The following SMAP2 variants were observed in gnomAD, a reference collection of about 807,000 sequenced individuals.
SMAP2 encodes the protein stromal membrane-associated protein 2.
SMAP2 carries 25 observed loss-of-function variants against 56.4 expected under a neutral mutation model. The ratio of observed to expected loss-of-function variants is 0.44; its 90% CI spans 0.32 to 0.62. SMAP2 has a LOEUF of 0.62. Ranked by LOEUF, SMAP2 falls within the 20% of genes least tolerant of loss-of-function variation. The probability of loss-of-function intolerance (pLI) is 0.04; values close to 1 mark genes in which losing one functional copy is unlikely to be tolerated. For missense variants in SMAP2, 388 were observed against 545.6 expected (o/e 0.71, Z 2.88); for synonymous variants, 157 against 181.7 (o/e 0.86, Z 1.09).
intron 1 of SMAP2, among the ~76,000 whole-genome samples, chr1:40,383,750 A>G (rs1569854933): frequency 6.6e-6 from 1 of 152,182 alleles, no homozygotes; most frequent in Non-Finnish European, 1.5e-5. Flanking sequence ...ATAAGTTCCC[A>G]CCCTGTCAAT....
rs1052883051 is a variant in SMAP2, at chr1:40,380,819, G to A, written c.103+6596G>A. On this transcript the variant is annotated intron_variant, in intron 1 of 9. Transcript: ENST00000372718. ...GCTGGGATTATAGGTGTGAGCCGCC[G>A]CACCCAGCCTGTGGTACCTTTTAAA... Among the ~76,000 whole-genome samples, 15 of 152,234 alleles carry A rather than the reference G, an allele frequency of 9.9e-5. 1 individual carries two copies. Among genetic ancestry groups the A allele is most frequent in the East Asian group, 5.8e-4 (3 of 5,184 alleles).
chr1:40,346,378 T>A (rs1644385991), intron 1 of SMAP2, among the ~76,000 whole-genome samples: 3 of 152,090 alleles, frequency 2.0e-5, no homozygotes, highest in Admixed American at 2.0e-4. Context: ...GAATAGGATT[T>A]TTTTTTTTTG....
rs767144040 is a variant in SMAP2, at chr1:40,385,246, T to A, written c.103+11023T>A. On this transcript the variant is annotated intron_variant, in intron 1 of 9. Coordinates refer to ENST00000372718, the MANE Select transcript of SMAP2 (RefSeq NM_022733.3). The surrounding 1 kb of genome is among the most constrained non-coding windows in gnomAD (Gnocchi z 4.5). ...GTAGTAGAATTTTATTATTGTTGCTTTTTTTCATTTTCAATTAATGTTAAG... is the reference window on the plus strand; with the variant it reads ...GTAGTAGAATTTTATTATTGTTGCTATTTTTCATTTTCAATTAATGTTAAG... 3.3e-5 allele frequency among the ~76,000 whole-genome samples: 5 copies of A among 152,198 alleles called. No individual in the cohort carries two copies. The highest frequency in any genetic ancestry group is 7.3e-5 in the Non-Finnish European group (5 of 68,042).
At chr1:40,405,305 ATAGTGAGACC>A (rs1644875219) in intron 1 of SMAP2, among the ~76,000 whole-genome samples, 1 of 152,180 alleles carries the variant, frequency 6.6e-6, no homozygotes, top group Non-Finnish European at 1.5e-5. Flanking sequence ...CCTGGGCAAC[ATAGTGAGACC>A]TAGTCTCTAC....
At chr1:40,354,767 ATTT>A (rs774191085) in intron 1 of SMAP2, among the ~76,000 whole-genome samples, 29 of 67,326 alleles carry the variant, frequency 4.3e-4, no homozygotes, top group East Asian at 1.1e-3. Flanking sequence ...AAAACATTGA[ATTT>A]TTTTTTTTTT....
At chr1:40,345,498 T>C (rs918696972) in intron 1 of SMAP2, among the ~76,000 whole-genome samples, 2 of 152,088 alleles carry the variant, frequency 1.3e-5, no homozygotes, top group Admixed American at 6.6e-5. Flanking sequence ...ATTTTTCTTT[T>C]TTTTTGAGAT....
intron 1 of SMAP2, among the ~76,000 whole-genome samples, chr1:40,354,972 G>C (rs1328429754): frequency 4.7e-5 from 7 of 150,482 alleles, no homozygotes; most frequent in African/African-American, 1.7e-4. Flanking sequence ...TTAGTAGAGA[G>C]GGGGTTTCAC....
At chr1:40,387,454 G>T (rs963385895) in intron 1 of SMAP2, among the ~76,000 whole-genome samples, 1 of 152,150 alleles carries the variant, frequency 6.6e-6, no homozygotes, top group Non-Finnish European at 1.5e-5. Context: ...AATTTAAAAA[G>T]TTACCAAGGG....
chr1:40,412,870 C>T, intron 4 of SMAP2, 146 bp from the exon 5 acceptor site: 1 of 613,760 alleles, frequency 1.6e-6, no homozygotes, highest in East Asian at 2.9e-5. Context: ...TGCTCCACAC[C>T]AAGACACCGC....
At chr1:40,348,708 A>C (rs969323588) in intron 1 of SMAP2, among the ~76,000 whole-genome samples, 1 of 152,160 alleles carries the variant, frequency 6.6e-6, no homozygotes, top group Non-Finnish European at 1.5e-5. Flanking sequence ...AACTTATGAA[A>C]AAATTTGCTC....
chr1:40,348,268 T>C (rs1404417980), intron 1 of SMAP2, among the ~76,000 whole-genome samples: 4 of 152,216 alleles, frequency 2.6e-5, no homozygotes, highest in Admixed American at 1.3e-4. Flanking sequence ...GCGTTTGATA[T>C]GTATTTCTGA....
chr1:40,418,895 G>A (rs1645015469), intron 9 of SMAP2, among the ~76,000 whole-genome samples: 1 of 152,142 alleles, frequency 6.6e-6, no homozygotes, highest in South Asian at 2.1e-4. Flanking sequence ...CTTTCCTGGG[G>A]AATCTAACAG....
At chr1:40,421,668 A>T (rs1297564019) in intron 9 of SMAP2, among the ~76,000 whole-genome samples, 4 of 152,078 alleles carry the variant, frequency 2.6e-5, no homozygotes, top group Non-Finnish European at 5.9e-5. Context: ...TCTATTTAGG[A>T]TGAGGGACTG....
Position 40,406,785 on chromosome 1 carries a change from T to C in SMAP2, c.153T>C (p.Cys51=). Residue 51 remains cysteine, a synonymous_variant, in exon 2 of 10, where the codon TGT becomes TGC. Coordinates refer to ENST00000372718, the MANE Select transcript of SMAP2 (RefSeq NM_022733.3). ...TTGGTGTGTTCATCTGCATTCGATG[T>C]GCTGGAATCCACAGGAATCTGGGGG... ...WNIGVFICIR[C]AGIHRNLGVH... 6.2e-7 allele frequency: 1 copy of C among 1,614,168 alleles called. No individual in the cohort carries two copies. Among genetic ancestry groups the C allele is most frequent in the South Asian group, 1.1e-5 (1 of 91,088 alleles).
At chr1:40,411,533 G>A (rs1043166143) in intron 4 of SMAP2, among the ~76,000 whole-genome samples, 5 of 152,116 alleles carry the variant, frequency 3.3e-5, no homozygotes, top group Admixed American at 1.3e-4. Context: ...AAGCAAGCCC[G>A]GTTACCGGAT....
Position 40,385,813 on chromosome 1 carries a change from G to A in SMAP2, c.103+11590G>A, listed in dbSNP as rs951382941. Reference sequence around the variant, plus strand: ...TTATTTCACCTCAGTGGTCTGAAGTGCGCACACAGTACATTTTGTTCTTTA... The same window carrying A: ...TTATTTCACCTCAGTGGTCTGAAGTACGCACACAGTACATTTTGTTCTTTA... On this transcript the variant is annotated intron_variant, in intron 1 of 9. Transcript: ENST00000372718. This position sits in a 1 kb window ranked among gnomAD's most constrained non-coding sequence, Gnocchi z 4.5. 2.0e-5 allele frequency among the ~76,000 whole-genome samples: 3 copies of A among 152,188 alleles called. No individual in the cohort carries two copies. The highest frequency in any genetic ancestry group is 6.5e-5 in the Admixed American group (1 of 15,274).
rs1439344754 is a variant in SMAP2, at chr1:40,415,310, A to G, written c.610A>G (p.Ser204Gly). The G allele has an allele frequency of 3.7e-6, 6 of 1,614,020 alleles. No homozygotes were observed. In the African/African-American group the frequency reaches 6.7e-5, roughly 18 times the overall value. The part of the protein sequence containing the change: ...VACSIANSKT[S>G]NTLEKDLDLL... ...CTGCTCCATTGCAAATAGTAAGACC[A>G]GCAATACCCTAGAGAAGGATTTAGA... is the stretch of plus-strand genomic sequence containing the variant. Residue 204 changes from serine (S) to glycine (G), a missense_variant, in exon 7 of 10, where the codon AGC (serine) becomes GGC (glycine). By Grantham distance (56) the Ser-to-Gly change is moderately conservative. Transcript: ENST00000372718.
intron 9 of SMAP2, among the ~76,000 whole-genome samples, chr1:40,420,868 G>A (rs1645035279): frequency 6.6e-6 from 1 of 152,164 alleles, no homozygotes; most frequent in African/African-American, 2.4e-5. Flanking sequence ...AGGGAAACTG[G>A]TCTAGCTTAA....
chr1:40,409,931 C>A, intron 4 of SMAP2, 96 bp downstream of exon 4: 1 of 824,260 alleles, frequency 1.2e-6, no homozygotes, highest in Non-Finnish European at 2.0e-6. Flanking sequence ...CAAAACACTC[C>A]AAAACCATCT....
Sources: allele counts gnomAD v4.1 joint callset (sites outside exome capture counted in the v4.1 genomes callset), GRCh38; gene constraint gnomAD v4.1.1; non-coding constraint Gnocchi (gnomAD v3.1); transcripts MANE v1.5; gene names NCBI Gene and HGNC (gene_info 2026-07-23, HGNC 2026-07-21).